The following UNC5C variants were observed in gnomAD, a reference collection of about 807,000 sequenced individuals.
The protein encoded by UNC5C is netrin receptor UNC5C.
A neutral mutation model predicts 99.8 loss-of-function variants in UNC5C; 47 were observed. That is an observed-to-expected ratio of 0.47 (90% confidence interval 0.37 to 0.60). UNC5C has a LOEUF of 0.60. Among genes scored for constraint, UNC5C ranks in the 20% least tolerant of loss-of-function variants. UNC5C has a pLI of 0.00. For missense variants in UNC5C, 1,062 were observed against 1,165.9 expected, an observed-to-expected ratio of 0.91 and a Z score of 1.30; for synonymous variants, 487 against 452.2, an observed-to-expected ratio of 1.08 and a Z score of -0.98.
intron 9 of UNC5C, among the ~76,000 whole-genome samples, chr4:95,216,415 A>G (rs1249321457): frequency 6.6e-6 from 1 of 152,200 alleles, no homozygotes; most frequent in Non-Finnish European, 1.5e-5. Context: ...TAAAGGAATG[A>G]TGTAACTTTT....
chr4:95,169,486 T>A, intron 15 of UNC5C, 87 bp from the exon 16 acceptor site: 1 of 1,457,290 alleles, frequency 6.9e-7, no homozygotes, highest in Non-Finnish European at 9.3e-7. Flanking sequence ...TCTCTACTTG[T>A]CTTTAAGTTT....
At chr4:95,181,791 A>T (rs756291174) in intron 14 of UNC5C, among the ~76,000 whole-genome samples, 1 of 152,226 alleles carries the variant, frequency 6.6e-6, no homozygotes, top group Non-Finnish European at 1.5e-5. Flanking sequence ...GATGGAGTGT[A>T]GCGGAAGCTG....
At position 95,335,398 on chromosome 4, in the gene UNC5C, T is replaced by C. The variant is rs1303832970; in HGVS notation, c.346+12A>G. ...ATCTTGAAGTGCAATGCAAATGCAA[T>C]GGAAAACTCACCGGAAGTTTCATCT... On this transcript the variant is annotated intron_variant, in intron 2 of 15. Transcript: ENST00000453304. 80 of 1,608,008 alleles carry C rather than the reference T, an allele frequency of 5.0e-5. No individual in the cohort carries two copies. The highest frequency in any genetic ancestry group is 6.6e-5 in the Non-Finnish European group (78 of 1,175,958).
chr4:95,315,165 T>C (rs192983510), intron 2 of UNC5C, among the ~76,000 whole-genome samples: 289 of 152,320 alleles, frequency 1.9e-3, no homozygotes, highest in Non-Finnish European at 3.5e-3. Context: ...AGGTATTTAC[T>C]GAAAACCTAC....
chr4:95,466,808 T>C (rs1747792971), intron 1 of UNC5C, among the ~76,000 whole-genome samples: 1 of 152,208 alleles, frequency 6.6e-6, no homozygotes, highest in South Asian at 2.1e-4. Flanking sequence ...ATGGTGATTT[T>C]AAGGTGTGTC....
At chr4:95,448,227 T>TGTGTGTGTGAGAGAGA (rs1339694230) in intron 1 of UNC5C, among the ~76,000 whole-genome samples, 1 of 100,086 alleles carries the variant, frequency 1.0e-5, no homozygotes, top group African/African-American at 4.0e-5. Flanking sequence ...TGTGTGTGTG[T>TGTGTGTGTGAGAGAGA]GAGAGAGAGA....
At chr4:95,187,522 G>A (rs1429038778) in intron 12 of UNC5C, among the ~76,000 whole-genome samples, 2 of 152,122 alleles carry the variant, frequency 1.3e-5, no homozygotes, top group African/African-American at 2.4e-5. Context: ...GCAGGACATT[G>A]AAAAAAACCC....
chr4:95,234,173 G>A (rs1474545054), intron 7 of UNC5C, among the ~76,000 whole-genome samples: 1 of 152,076 alleles, frequency 6.6e-6, no homozygotes, highest in African/African-American at 2.4e-5. Flanking sequence ...ATTGTAAAAT[G>A]TGGGGGGTGG....
intron 1 of UNC5C, among the ~76,000 whole-genome samples, chr4:95,420,333 T>A (rs1204114667): frequency 6.6e-6 from 1 of 152,164 alleles, no homozygotes; most frequent in Non-Finnish European, 1.5e-5. Context: ...GTAAGCAATT[T>A]CATTGAGAAT....
chr4:95,205,303 G>T (rs1737836397), intron 11 of UNC5C, among the ~76,000 whole-genome samples: 1 of 152,192 alleles, frequency 6.6e-6, no homozygotes, highest in African/African-American at 2.4e-5. Context: ...ATTAAGACGG[G>T]ATGTTTTTCA....
At chr4:95,248,808 A>G (rs1739591875) in intron 5 of UNC5C, among the ~76,000 whole-genome samples, 1 of 152,174 alleles carries the variant, frequency 6.6e-6, no homozygotes. Flanking sequence ...TAGTTGTTGT[A>G]ACATTGTGGT....
intron 1 of UNC5C, among the ~76,000 whole-genome samples, chr4:95,438,401 C>T (rs1578163458): frequency 6.6e-6 from 1 of 151,980 alleles, no homozygotes. Context: ...GAACAGATAT[C>T]CTCTTATTTA....
At chr4:95,525,392 A>G (rs72661331) in intron 1 of UNC5C, among the ~76,000 whole-genome samples, 4,013 of 152,132 alleles carry the variant, frequency 0.026, 77 homozygotes, top group Non-Finnish European at 0.038. Context: ...GGTACTTATC[A>G]TTATTCACTC....
At chr4:95,483,227 A>T (rs2149478757) in intron 1 of UNC5C, among the ~76,000 whole-genome samples, 1 of 151,500 alleles carries the variant, frequency 6.6e-6, no homozygotes, top group African/African-American at 2.4e-5. Context: ...ATTCACCCAG[A>T]CTCCCTTCTG....
Position 95,170,140 on chromosome 4 carries a change from C to T in UNC5C, c.2630+14G>A. ...AACAGAAAGAAGCTAGTCTTGGGGC[C>T]AGACCATACCCACCTGTCCAGGTTC... On this transcript the variant is annotated intron_variant, in intron 15 of 15. Coordinates refer to ENST00000453304, the MANE Select transcript of UNC5C (RefSeq NM_003728.4). 1 of 1,611,578 alleles carries T rather than the reference C, an allele frequency of 6.2e-7. No individual in the cohort carries two copies. Among genetic ancestry groups the T allele is most frequent in the Non-Finnish European group, 8.5e-7 (1 of 1,178,062 alleles).
chr4:95,487,818 T>C (rs1297582437), intron 1 of UNC5C, among the ~76,000 whole-genome samples: 1 of 151,784 alleles, frequency 6.6e-6, no homozygotes, highest in Admixed American at 6.6e-5. Context: ...AGTCAAACTA[T>C]AGCCTTAGTT....
At chr4:95,206,840 A>G in intron 10 of UNC5C, 44 bp from the exon 11 acceptor site, 2 of 1,444,318 alleles carry the variant, frequency 1.4e-6, no homozygotes, top group Non-Finnish European at 1.8e-6. Flanking sequence ...TTTCCATTGT[A>G]TTCATGAACT....
intron 7 of UNC5C, among the ~76,000 whole-genome samples, chr4:95,240,796 ATGT>A (rs1258353351): frequency 6.6e-6 from 1 of 152,204 alleles, no homozygotes; most frequent in Non-Finnish European, 1.5e-5. Context: ...AGGGGTTGCT[ATGT>A]CATGAAAGTC....
At chr4:95,340,745 C>G (rs1743538104) in intron 1 of UNC5C, among the ~76,000 whole-genome samples, 1 of 151,942 alleles carries the variant, frequency 6.6e-6, no homozygotes, top group African/African-American at 2.4e-5. Context: ...TAGTTGATAT[C>G]CACTTAACTC....
Sources: allele counts gnomAD v4.1 joint callset (sites outside exome capture counted in the v4.1 genomes callset), GRCh38; gene constraint gnomAD v4.1.1; transcripts MANE v1.5; gene names NCBI Gene and HGNC (gene_info 2026-07-23, HGNC 2026-07-21).